The following SLC38A6 variants were observed in gnomAD, a reference collection of about 807,000 sequenced individuals.
The protein encoded by SLC38A6 is N system amino acid transporter NAT-1.
A neutral mutation model predicts 65.0 loss-of-function variants in SLC38A6; 73 were observed. The ratio of observed to expected loss-of-function variants is 1.12; its 90% CI spans 0.93 to 1.37. SLC38A6 has a LOEUF of 1.37. Ranked by LOEUF, SLC38A6 falls within the 40% of genes most tolerant of loss-of-function variation. The pLI, the probability that SLC38A6 is intolerant of heterozygous loss-of-function variation, is 0.00. For missense variants in SLC38A6, 561 were observed against 531.1 expected (o/e 1.06, Z -0.55); for synonymous variants, 183 against 178.8 (o/e 1.02, Z -0.19).
At chr14:61,070,714 A>G (rs2139960577) in intron 15 of SLC38A6, among the ~76,000 whole-genome samples, 2 of 152,274 alleles carry the variant, frequency 1.3e-5, no homozygotes, top group Middle Eastern at 6.8e-3. Flanking sequence ...TATCCTTGCC[A>G]GCATTTGTTT....
chr14:60,998,002 G>C lies in SLC38A6; in HGVS notation c.310+13199G>C, dbSNP rs150660908. 1.7e-3 allele frequency among the ~76,000 whole-genome samples: 262 copies of C among 151,918 alleles called. 1 individual carries two copies. Among genetic ancestry groups the C allele is most frequent in the African/African-American group, 5.6e-3 (232 of 41,396 alleles). ...ATAAGAAAGAGATAAATAAGAGCCA[G>C]TTACTTCCCTGAAAAAGCTCATAGT... is the stretch of plus-strand genomic sequence containing the variant. On this transcript the variant is annotated intron_variant, in intron 3 of 15. Coordinates refer to ENST00000267488, the MANE Select transcript of SLC38A6 (RefSeq NM_153811.3).
chr14:61,052,700 A>T (rs1216063891), downstream of SLC38A6: 1 of 250,674 alleles, frequency 4.0e-6, no homozygotes, highest in African/African-American at 2.3e-5. Context: ...AGAAATACTG[A>T]ACAGAAAGTA....
In SLC38A6 at chr14:61,028,540, C is replaced by T. The variant is rs75119275; in HGVS notation, c.404-1905C>T. Among the ~76,000 whole-genome samples the T allele has an allele frequency of 1.3e-3, 196 of 152,174 alleles. 4 individuals are homozygous for T. The East Asian group carries it at 0.037, about 28-fold the overall frequency. ...GGTTAGTCTAAACCTTCCTTCTGTT[C>T]TGTGCCAAATTGATAGCATTTTTCC... On this transcript the variant is annotated intron_variant, in intron 5 of 15. Transcript: ENST00000267488.
At chr14:60,989,545 G>T (rs1399165439) in intron 3 of SLC38A6, among the ~76,000 whole-genome samples, 2 of 151,918 alleles carry the variant, frequency 1.3e-5, no homozygotes, top group African/African-American at 2.4e-5. Context: ...GCAACATGGT[G>T]AAACCCCATC....
At chr14:61,052,769 C>G (rs765252692), downstream of SLC38A6, 1 of 159,460 alleles carries the variant, frequency 6.3e-6, no homozygotes, top group Non-Finnish European at 1.4e-5. Context: ...TTAACTCTTG[C>G]GTTCATGTGG....
At chr14:61,033,243 T>C (rs2041125039) in intron 6 of SLC38A6, among the ~76,000 whole-genome samples, 1 of 151,954 alleles carries the variant, frequency 6.6e-6, no homozygotes, top group African/African-American at 2.4e-5. Context: ...CTTTCGAGAA[T>C]GAAATTAAAG....
intron 4 of SLC38A6, among the ~76,000 whole-genome samples, chr14:61,018,516 T>G (rs1206789131): frequency 6.6e-6 from 1 of 152,166 alleles, no homozygotes; most frequent in East Asian, 1.9e-4. Flanking sequence ...CTAACAAAGA[T>G]GGGCATGAAA....
intron 6 of SLC38A6, among the ~76,000 whole-genome samples, chr14:61,035,352 A>G (rs181653773): frequency 6.6e-6 from 1 of 152,280 alleles, no homozygotes; most frequent in African/African-American, 2.4e-5. Context: ...AATTATATTT[A>G]TATCATCATC....
intron 5 of SLC38A6, among the ~76,000 whole-genome samples, chr14:61,024,843 A>T (rs2040524742): frequency 6.6e-6 from 1 of 152,226 alleles, no homozygotes; most frequent in African/African-American, 2.4e-5. Flanking sequence ...TGGTTTCACA[A>T]CTTGCCCAAT....
rs749238935 is a variant in SLC38A6, at chr14:61,030,515, C to T, written c.474C>T (p.Asp158=). 2 of 1,603,818 alleles carry T rather than the reference C, an allele frequency of 1.2e-6. No homozygotes were observed. The highest frequency in any genetic ancestry group is 2.2e-5 in the South Asian group (2 of 89,772). ...PAAIAEFLTG[D]YSRYWYLDGQ... Reference sequence around the variant, plus strand: ...CTATTGCAGAATTTTTGACTGGAGACTATAGTAGGTAAGAAAAAGTATTTT... The same window carrying T: ...CTATTGCAGAATTTTTGACTGGAGATTATAGTAGGTAAGAAAAAGTATTTT... The change falls in exon 6 of 16, where the codon GAC becomes GAT. Residue 158 remains aspartate (D), a synonymous_variant. Coordinates refer to ENST00000267488, the MANE Select transcript of SLC38A6 (RefSeq NM_153811.3).
chr14:61,013,859 G>A (rs994121345), intron 3 of SLC38A6, among the ~76,000 whole-genome samples: 2 of 152,118 alleles, frequency 1.3e-5, no homozygotes, highest in Admixed American at 6.5e-5. Flanking sequence ...ACAATTATAT[G>A]TTTTGGAGTT....
intron 6 of SLC38A6, among the ~76,000 whole-genome samples, chr14:61,035,697 CATT>C: frequency 6.6e-6 from 1 of 152,118 alleles, no homozygotes. Flanking sequence ...GAAACAGTCT[CATT>C]ATTTCTTTAA....
intron 15 of SLC38A6, among the ~76,000 whole-genome samples, chr14:61,068,017 A>G (rs1048956092): frequency 6.6e-6 from 1 of 152,086 alleles, no homozygotes; most frequent in Non-Finnish European, 1.5e-5. Flanking sequence ...TATACTTTGG[A>G]TGAAGTTGTT....
chr14:60,986,225 C>G (rs1409993431), intron 3 of SLC38A6, among the ~76,000 whole-genome samples: 1 of 152,200 alleles, frequency 6.6e-6, no homozygotes, highest in Non-Finnish European at 1.5e-5. Flanking sequence ...TTCCTAAAAC[C>G]TGTCCATCAT....
chr14:61,081,138 C>T (rs553279799), intron 16 of SLC38A6, among the ~76,000 whole-genome samples: 10 of 102,102 alleles, frequency 9.8e-5, no homozygotes, highest in African/African-American at 3.1e-4. Flanking sequence ...ATTAGAGGGC[C>T]ACATGGCAAG....
At chr14:61,066,099 T>C (rs1364169789) in intron 15 of SLC38A6, among the ~76,000 whole-genome samples, 1 of 152,252 alleles carries the variant, frequency 6.6e-6, no homozygotes, top group African/African-American at 2.4e-5. Flanking sequence ...GGTGTCATAA[T>C]TTTTGACCTT....
intron 7 of SLC38A6, 83 bp downstream of exon 7, chr14:61,037,224 T>C: frequency 1.9e-6 from 2 of 1,056,000 alleles, no homozygotes; most frequent in Non-Finnish European, 2.7e-6. Context: ...TAAGGGGCTT[T>C]AAAATTTCAC....
chr14:60,983,591 A>G (rs918380727), intron 2 of SLC38A6, among the ~76,000 whole-genome samples: 1 of 152,184 alleles, frequency 6.6e-6, no homozygotes, highest in African/African-American at 2.4e-5. Context: ...AAGCAGATCT[A>G]TTTACTAGGA....
rs565863486 is a variant in SLC38A6, at chr14:61,015,872, G to A, written c.311-32G>A. On this transcript the variant is annotated intron_variant, in intron 3 of 15. Coordinates refer to ENST00000267488, the MANE Select transcript of SLC38A6 (RefSeq NM_153811.3). ...GGACCTGACACATAAATAGTTTTGT[G>A]TAAAAGTGAACATTGTAATTTCTCT... The A allele has an allele frequency of 6.4e-6, 10 of 1,574,550 alleles. No individual in the cohort carries two copies. The African/African-American group carries it at 1.1e-4, about 17-fold the overall frequency.
Sources: allele counts gnomAD v4.1 joint callset (sites outside exome capture counted in the v4.1 genomes callset), GRCh38; gene constraint gnomAD v4.1.1; transcripts MANE v1.5; gene names NCBI Gene and HGNC (gene_info 2026-07-23, HGNC 2026-07-21).